MTCL1: variants seen among roughly 807,000 people sequenced by gnomAD.
The protein encoded by MTCL1 is microtubule cross-linking factor 1.
A neutral mutation model predicts 141.4 loss-of-function variants in MTCL1; 79 were observed. The observed-to-expected ratio is 0.56, with a 90% CI of 0.47 to 0.67. MTCL1 has a LOEUF of 0.67. Ranked by LOEUF, MTCL1 falls within the 30% of genes least tolerant of loss-of-function variation. The pLI is 0.00. For synonymous variants in MTCL1, 914 were observed against 875.8 expected (o/e 1.04, Z -0.77); for missense variants, 2,177 against 2,113.9 (o/e 1.03, Z -0.59).
At chr18:8,733,606 A>G (rs1345330049) in intron 4 of MTCL1, among the ~76,000 whole-genome samples, 3 of 152,058 alleles carry the variant, frequency 2.0e-5, no homozygotes, top group African/African-American at 7.3e-5. Context: ...GGGTTTCACC[A>G]TGTTGGCCAG....
intron 4 of MTCL1, among the ~76,000 whole-genome samples, chr18:8,740,376 T>G (rs1251069988): frequency 3.9e-5 from 6 of 152,232 alleles, no homozygotes; most frequent in Admixed American, 6.5e-5. Context: ...TCAGTTTTAT[T>G]TGTATGTTAC....
chr18:8,765,258 C>T (rs1320609841), intron 4 of MTCL1, among the ~76,000 whole-genome samples: 2 of 152,124 alleles, frequency 1.3e-5, no homozygotes, highest in Non-Finnish European at 1.5e-5. Context: ...AGCCTGTGAG[C>T]GGGGTGGAGG....
chr18:8,737,598 G>A (rs2096280821), intron 4 of MTCL1, among the ~76,000 whole-genome samples: 1 of 152,226 alleles, frequency 6.6e-6, no homozygotes, highest in Admixed American at 6.5e-5. Context: ...CAACGCGAGG[G>A]CAGCCAGGCA....
At chr18:8,807,416 G>C (rs1335578061) in intron 11 of MTCL1, among the ~76,000 whole-genome samples, 1 of 152,170 alleles carries the variant, frequency 6.6e-6, no homozygotes, top group East Asian at 1.9e-4. Context: ...AGCAGACTGT[G>C]GTTTAGTTGT....
At chr18:8,725,204 A>G (rs766680637) in intron 4 of MTCL1, among the ~76,000 whole-genome samples, 1 of 152,174 alleles carries the variant, frequency 6.6e-6, no homozygotes, top group East Asian at 1.9e-4. Flanking sequence ...TACATGTTCT[A>G]GATCATTCCA....
intron 16 of MTCL1, chr18:8,829,077 C>T (rs612721): frequency 0.42 from 656,461 of 1,570,960 alleles, 141,667 homozygotes; most frequent in South Asian, 0.49. Context: ...GCGGTACCCT[C>T]GCTCACCCCA....
Position 8,810,584 on chromosome 18 carries a change from A to G in MTCL1, c.2605-2395A>G, listed in dbSNP as rs2076449884. On this transcript the variant is annotated intron_variant, in intron 11 of 16. Transcript: ENST00000359865. The surrounding 1 kb of genome is among the most constrained non-coding windows in gnomAD (Gnocchi z 5.0). ...GACCTGTTGGTTGCTGGAAGCATCTACAGGTGAACAGACGTACGTGCGAGG... is the reference window on the plus strand; with the variant it reads ...GACCTGTTGGTTGCTGGAAGCATCTGCAGGTGAACAGACGTACGTGCGAGG... Among the ~76,000 whole-genome samples the G allele has an allele frequency of 6.6e-6, 1 of 152,148 alleles. No homozygotes were observed. Among genetic ancestry groups the G allele is most frequent in the South Asian group, 2.1e-4 (1 of 4,830 alleles).
At chr18:8,809,443 G>A (rs940038313) in intron 11 of MTCL1, 33 of 1,534,756 alleles carry the variant, frequency 2.2e-5, no homozygotes, top group South Asian at 3.6e-5. Context: ...TCCATTTCCC[G>A]TTAGAATTGT....
chr18:8,729,673 A>AATAT (rs3051533), intron 4 of MTCL1, among the ~76,000 whole-genome samples: 47 of 131,544 alleles, frequency 3.6e-4, no homozygotes, highest in Non-Finnish European at 5.8e-4. Context: ...CAAGAAGACA[A>AATAT]ATATATATAT....
intron 16 of MTCL1, chr18:8,831,029 G>T (rs1422967957): frequency 4.1e-6 from 4 of 985,646 alleles, no homozygotes; most frequent in African/African-American, 1.7e-5. Context: ...TAAAATTTCT[G>T]CCTGCAGCAT....
intron 12 of MTCL1, among the ~76,000 whole-genome samples, chr18:8,815,627 A>T (rs1337208086): frequency 2.0e-5 from 3 of 147,738 alleles, no homozygotes; most frequent in African/African-American, 7.6e-5. Flanking sequence ...ATAATAATTA[A>T]AAAAAAAAAC....
chr18:8,725,852 C>T (rs9965377), intron 4 of MTCL1, among the ~76,000 whole-genome samples: 58,505 of 139,142 alleles, frequency 0.42, 12,882 homozygotes, highest in Admixed American at 0.56. Flanking sequence ...TGCAGTGGCA[C>T]GATCTCGGCT....
At chr18:8,809,035 C>CAAA (rs57075403) in intron 11 of MTCL1, among the ~76,000 whole-genome samples, 6 of 132,318 alleles carry the variant, frequency 4.5e-5, no homozygotes, top group Non-Finnish European at 6.6e-5. Context: ...AAGTTTCAGG[C>CAAA]AAAAAAAAAA....
At chr18:8,775,841 G>A (rs1392213377) in intron 4 of MTCL1, among the ~76,000 whole-genome samples, 4 of 152,164 alleles carry the variant, frequency 2.6e-5, no homozygotes, top group African/African-American at 9.7e-5. Context: ...ACCCTCTTCA[G>A]CCCTCTGCTC....
intron 4 of MTCL1, among the ~76,000 whole-genome samples, chr18:8,774,874 T>C (rs2096499526): frequency 6.6e-6 from 1 of 152,106 alleles, no homozygotes; most frequent in Non-Finnish European, 1.5e-5. Flanking sequence ...AGGAGGAGTG[T>C]CCCATGACTC....
intron 7 of MTCL1, 135 bp downstream of exon 6, chr18:8,786,226 C>A: frequency 9.5e-7 from 1 of 1,056,104 alleles, no homozygotes; most frequent in South Asian, 1.4e-5. Context: ...GTGGAACTCA[C>A]TTGACAGCAA....
intron 4 of MTCL1, among the ~76,000 whole-genome samples, chr18:8,774,821 G>A (rs2096499198): frequency 6.6e-6 from 1 of 152,144 alleles, no homozygotes; most frequent in Non-Finnish European, 1.5e-5. Flanking sequence ...CCCTTGCAGT[G>A]TTTTTCATTC....
intron 12 of MTCL1, among the ~76,000 whole-genome samples, chr18:8,817,794 G>A (rs905267277): frequency 6.6e-6 from 1 of 152,194 alleles, no homozygotes; most frequent in Admixed American, 6.5e-5. Context: ...ATTCAAAAGA[G>A]CAGTCAATCC....
chr18:8,818,854 T>A, intron 12 of MTCL1, 109 bp from the exon 12 acceptor site: 1 of 1,099,092 alleles, frequency 9.1e-7, no homozygotes, highest in Admixed American at 2.3e-5. Context: ...CTCACAATAT[T>A]TTTCAAACTG....
Sources: allele counts gnomAD v4.1 joint callset (sites outside exome capture counted in the v4.1 genomes callset), GRCh38; gene constraint gnomAD v4.1.1; non-coding constraint Gnocchi (gnomAD v3.1); transcripts MANE v1.5; gene names NCBI Gene and HGNC (gene_info 2026-07-23, HGNC 2026-07-21).